Variants in SORCS3 observed in about 807,000 individuals in gnomAD.
SORCS3 encodes sortilin related VPS10 domain containing receptor 3.
In SORCS3, 57 loss-of-function variants were observed where a neutral mutation model predicts 146.3. That is an observed-to-expected ratio of 0.39 (90% CI 0.31 to 0.49). The LOEUF (loss-of-function observed/expected upper bound fraction) is 0.49. Among genes scored for constraint, SORCS3 ranks in the 20% least tolerant of loss-of-function variants. The probability of loss-of-function intolerance (pLI) is 0.92; values close to 1 mark genes in which losing one functional copy is unlikely to be tolerated. For synonymous variants in SORCS3, 653 were observed against 618.5 expected (o/e 1.06, Z -0.83); for missense variants, 1,341 against 1,575.5 (o/e 0.85, Z 2.52).
intron 1 of SORCS3, among the ~76,000 whole-genome samples, chr10:104,647,794 A>G (rs1047778219): frequency 2.6e-5 from 4 of 152,212 alleles, no homozygotes; most frequent in Non-Finnish European, 4.4e-5. Context: ...ATGAATGTTA[A>G]CATAAGATTC....
intron 5 of SORCS3, among the ~76,000 whole-genome samples, chr10:105,055,743 A>G (rs971091920): frequency 6.6e-6 from 1 of 152,220 alleles, no homozygotes; most frequent in African/African-American, 2.4e-5. Flanking sequence ...CCATTGCCTC[A>G]TAGTCAGAGT....
intron 18 of SORCS3, 25 bp downstream of exon 18, chr10:105,214,638 G>A (rs371746520): frequency 1.1e-4 from 173 of 1,534,546 alleles, no homozygotes; most frequent in Non-Finnish European, 1.5e-4. Flanking sequence ...GGGTCTCTGA[G>A]GTCAGAACTC....
intron 5 of SORCS3, 83 bp downstream of exon 5, chr10:105,043,211 C>T: frequency 8.3e-7 from 1 of 1,200,118 alleles, no homozygotes; most frequent in Non-Finnish European, 1.2e-6. Flanking sequence ...TGGACAGTTG[C>T]AGTTCTTGCA....
intron 5 of SORCS3, among the ~76,000 whole-genome samples, chr10:105,053,145 C>T (rs1468492533): frequency 6.6e-6 from 1 of 152,052 alleles, no homozygotes; most frequent in Non-Finnish European, 1.5e-5. Flanking sequence ...GCACTAATCA[C>T]ATTATGAGAG....
intron 3 of SORCS3, among the ~76,000 whole-genome samples, chr10:104,942,677 A>G (rs2019332466): frequency 6.6e-6 from 1 of 152,178 alleles, no homozygotes; most frequent in Admixed American, 6.5e-5. Context: ...TACATAATAA[A>G]GGAGAAAATC....
At chr10:104,746,023 A>G (rs183955683) in intron 1 of SORCS3, among the ~76,000 whole-genome samples, 8 of 152,274 alleles carry the variant, frequency 5.3e-5, no homozygotes, top group South Asian at 2.1e-4. Flanking sequence ...GGATAAGTAC[A>G]TACTTATTTG....
chr10:105,135,318 A>G (rs2056051773), intron 7 of SORCS3, among the ~76,000 whole-genome samples: 2 of 152,098 alleles, frequency 1.3e-5, no homozygotes, highest in African/African-American at 4.8e-5. Flanking sequence ...ATTCCATGGG[A>G]GCCTGGCTCC....
intron 1 of SORCS3, among the ~76,000 whole-genome samples, chr10:104,727,156 G>A (rs947474865): frequency 2.4e-4 from 36 of 152,350 alleles, no homozygotes; most frequent in African/African-American, 8.7e-4. Flanking sequence ...GGACTTTCAT[G>A]TGGTAGATGT....
At chr10:104,916,543 G>A (rs1285448138) in intron 3 of SORCS3, among the ~76,000 whole-genome samples, 1 of 152,110 alleles carries the variant, frequency 6.6e-6, no homozygotes, top group African/African-American at 2.4e-5. Flanking sequence ...AATCATATAA[G>A]GTCAGACCTT....
intron 1 of SORCS3, among the ~76,000 whole-genome samples, chr10:104,713,440 G>A (rs1015836288): frequency 2.0e-5 from 3 of 152,128 alleles, no homozygotes; most frequent in African/African-American, 7.2e-5. Context: ...TTTTTGGGTA[G>A]ATATTCTTTA....
chr10:104,834,697 TA>T, intron 1 of SORCS3, among the ~76,000 whole-genome samples: 1 of 142,804 alleles, frequency 7.0e-6, no homozygotes, highest in South Asian at 2.2e-4. Context: ...ATTTGTTACC[TA>T]TTTTTTTTTT....
Position 105,265,007 on chromosome 10 carries a change from G to A in SORCS3, c.*1633G>A, listed in dbSNP as rs1554891795. On this transcript the variant is annotated 3_prime_UTR_variant, in exon 27 of 27. Coordinates refer to ENST00000369701, the MANE Select transcript of SORCS3 (RefSeq NM_014978.3). The stretch of plus-strand genomic sequence containing the variant: ...ATCTGGCTGGCTACAGTGTAGATCA[G>A]TATTAGGAATATTTCTAAAGATCCT... 1 of 147,282 alleles carries A rather than the reference G, an allele frequency of 6.8e-6. No homozygotes were observed. Among genetic ancestry groups the A allele is most frequent in the Non-Finnish European group, 1.5e-5 (1 of 66,032 alleles). The allele number at this position is 147,282 out of a possible 1,614,324, so 9.1% of individuals were successfully genotyped here. A position where few individuals can be genotyped will look rare whatever the true frequency, so the allele number is the denominator to read the frequency against.
intron 13 of SORCS3, among the ~76,000 whole-genome samples, chr10:105,177,043 A>C (rs2119556353): frequency 6.6e-6 from 1 of 151,752 alleles, no homozygotes. Flanking sequence ...TTTGTTATTA[A>C]GGGGTTTTTC....
At chr10:105,145,523 A>G (rs975699103) in intron 8 of SORCS3, among the ~76,000 whole-genome samples, 1 of 152,078 alleles carries the variant, frequency 6.6e-6, no homozygotes, top group African/African-American at 2.4e-5. Context: ...AACTTAGCTC[A>G]TTCATTTTTA....
chr10:105,144,902 G>C (rs1427543394), intron 8 of SORCS3, among the ~76,000 whole-genome samples: 2 of 151,888 alleles, frequency 1.3e-5, no homozygotes, highest in African/African-American at 4.8e-5. Flanking sequence ...AGTTATTATT[G>C]GTTGACCCCA....
intron 13 of SORCS3, among the ~76,000 whole-genome samples, chr10:105,171,049 T>C (rs1257040701): frequency 6.6e-6 from 1 of 152,200 alleles, no homozygotes; most frequent in African/African-American, 2.4e-5. Flanking sequence ...TGTATGTATA[T>C]TAATATTTGA....
At chr10:104,860,520 G>T (rs1204810765) in intron 2 of SORCS3, among the ~76,000 whole-genome samples, 1 of 150,492 alleles carries the variant, frequency 6.6e-6, no homozygotes, top group Non-Finnish European at 1.5e-5. Context: ...GTATACACAT[G>T]TAACTAACCT....
intron 23 of SORCS3, among the ~76,000 whole-genome samples, chr10:105,255,221 C>A: frequency 6.8e-6 from 1 of 146,404 alleles, no homozygotes; most frequent in Non-Finnish European, 1.5e-5. Context: ...AGTGGATCTG[C>A]TTAATTCAAA....
chr10:104,925,334 G>A (rs773187138), intron 3 of SORCS3, among the ~76,000 whole-genome samples: 1 of 152,172 alleles, frequency 6.6e-6, no homozygotes, highest in Admixed American at 6.5e-5. Flanking sequence ...AATTAACATA[G>A]GCATGTTGCC....
Sources: gnomAD v4.1 joint callset for allele counts (sites outside exome capture counted in the v4.1 genomes callset) on GRCh38, gnomAD v4.1.1 for gene constraint, MANE v1.5 for transcripts, NCBI Gene and HGNC (gene_info 2026-07-23, HGNC 2026-07-21) for gene names.